The following USH2A variants were observed in gnomAD, a reference collection of about 807,000 sequenced individuals.
USH2A encodes usherin.
A neutral mutation model predicts 538.9 loss-of-function variants in USH2A; 443 were observed. The observed-to-expected ratio is 0.82, with a 90% CI of 0.76 to 0.89. The LOEUF (loss-of-function observed/expected upper bound fraction) is 0.89, where lower values mean the gene tolerates loss of function less well. USH2A is among the 40% of genes least tolerant of loss of function. The probability of loss-of-function intolerance (pLI) is 0.00; values close to 1 mark genes in which losing one functional copy is unlikely to be tolerated. For missense variants in USH2A, 6,633 were observed against 6,324.8 expected (o/e 1.05, Z -1.65); for synonymous variants, 2,413 against 2,273.5 (o/e 1.06, Z -1.75).
chr1:216,307,005 T>C (rs1253093940), intron 9 of USH2A, among the ~76,000 whole-genome samples: 1 of 152,198 alleles, frequency 6.6e-6, no homozygotes, highest in African/African-American at 2.4e-5. Flanking sequence ...TTTGTGTTGG[T>C]TGGCCTTCAG....
chr1:215,825,539 T>A (rs1663127990), intron 47 of USH2A, among the ~76,000 whole-genome samples: 1 of 152,150 alleles, frequency 6.6e-6, no homozygotes, highest in Non-Finnish European at 1.5e-5. Flanking sequence ...TTTCCCCAAT[T>A]TTTTCAAAAC....
intron 51 of USH2A, among the ~76,000 whole-genome samples, chr1:215,787,117 G>A (rs979824336): frequency 1.3e-5 from 2 of 152,140 alleles, no homozygotes; most frequent in African/African-American, 4.8e-5. Context: ...GTAACCTTGA[G>A]CAAGTCACTT....
intron 34 of USH2A, among the ~76,000 whole-genome samples, chr1:215,994,768 A>C (rs1321509992): frequency 6.6e-6 from 1 of 152,194 alleles, no homozygotes; most frequent in Admixed American, 6.5e-5. Flanking sequence ...AGGACAGGTC[A>C]CTGTGAGCTC....
At position 215,622,973 on chromosome 1, in the gene USH2A, A is replaced by G. The variant is rs557936994; in HGVS notation, c.*2808T>C. 6.4e-4 allele frequency: 97 copies of G among 151,756 alleles called. No individual in the cohort carries two copies. The highest frequency in any genetic ancestry group is 2.4e-3 in the African/African-American group (97 of 41,182). 9.4% of individuals were successfully genotyped at this position (151,756 alleles called of 1,614,324 possible). On this transcript the variant is annotated 3_prime_UTR_variant, in exon 72 of 72. Transcript: ENST00000307340. ...TTTGTGCATTGGAAACCAACTATTC[A>G]TTTGTGACATAATTAAAAGTTCCTT...
At chr1:215,754,475 T>C (rs1660724821) in intron 58 of USH2A, among the ~76,000 whole-genome samples, 1 of 152,020 alleles carries the variant, frequency 6.6e-6, no homozygotes, top group South Asian at 2.1e-4. Context: ...CCCAGCAGCT[T>C]ACCTGTCTAA....
chr1:216,245,262 G>A (rs1190166260), intron 13 of USH2A, among the ~76,000 whole-genome samples: 5 of 152,052 alleles, frequency 3.3e-5, no homozygotes, highest in Non-Finnish European at 7.4e-5. Flanking sequence ...CATTTTATAA[G>A]TACGTGACAC....
Position 215,809,160 on chromosome 1 carries a change from G to A in USH2A, c.9739+4576C>T, listed in dbSNP as rs141918392. 5.3e-3 allele frequency among the ~76,000 whole-genome samples: 811 copies of A among 152,144 alleles called. 6 individuals carry two copies. The highest frequency in any genetic ancestry group is 0.018 in the African/African-American group (749 of 41,522). On this transcript the variant is annotated intron_variant, in intron 49 of 71. Coordinates refer to ENST00000307340, the MANE Select transcript of USH2A (RefSeq NM_206933.4). ...CCCCTGGGTAAAATAATTCTATTTC[G>A]TCTGAAATGTAGTTGCCATATTTTT...
intron 3 of USH2A, among the ~76,000 whole-genome samples, chr1:216,415,539 A>G (rs2039563901): frequency 1.8e-5 from 2 of 113,972 alleles, no homozygotes; most frequent in Non-Finnish European, 3.3e-5. Flanking sequence ...TTTTTCAGAC[A>G]GGATCTTGCT....
At chr1:216,359,565 A>G in intron 4 of USH2A, among the ~76,000 whole-genome samples, 1 of 151,744 alleles carries the variant, frequency 6.6e-6, no homozygotes, top group East Asian at 1.9e-4. Flanking sequence ...TTAAAACTAG[A>G]CATTGGTCTA....
intron 14 of USH2A, among the ~76,000 whole-genome samples, chr1:216,220,056 G>T (rs2035425947): frequency 6.6e-6 from 1 of 152,090 alleles, no homozygotes; most frequent in South Asian, 2.1e-4. Flanking sequence ...GAGAGAAATG[G>T]TTATCCTAAT....
At chr1:215,883,019 TA>T (rs1664956474) in intron 41 of USH2A, among the ~76,000 whole-genome samples, 1 of 152,212 alleles carries the variant, frequency 6.6e-6, no homozygotes, top group Non-Finnish European at 1.5e-5. Flanking sequence ...CACTTTATCA[TA>T]AACAATGAAA....
intron 21 of USH2A, among the ~76,000 whole-genome samples, chr1:216,156,426 T>C (rs957550793): frequency 3.6e-4 from 54 of 151,938 alleles, no homozygotes; most frequent in African/African-American, 1.2e-3. Context: ...TTTTGGACTT[T>C]GCAGGCTTGA....
chr1:216,143,295 T>C (rs1348224116), intron 21 of USH2A, among the ~76,000 whole-genome samples: 2 of 152,194 alleles, frequency 1.3e-5, no homozygotes, highest in Admixed American at 6.5e-5. Flanking sequence ...CATCATACTA[T>C]TGACTTTTTC....
chr1:216,191,218 C>A (rs1429842396), intron 19 of USH2A, among the ~76,000 whole-genome samples: 1 of 151,864 alleles, frequency 6.6e-6, no homozygotes, highest in Non-Finnish European at 1.5e-5. Context: ...ACTATGAGTA[C>A]AAAACTAATT....
At chr1:216,215,216 G>T (rs1221578032) in intron 15 of USH2A, among the ~76,000 whole-genome samples, 1 of 152,098 alleles carries the variant, frequency 6.6e-6, no homozygotes, top group Non-Finnish European at 1.5e-5. Flanking sequence ...AAGATATAAT[G>T]AGGGTTATAA....
chr1:216,328,441 G>A (rs1160705433), intron 4 of USH2A, among the ~76,000 whole-genome samples: 5 of 151,954 alleles, frequency 3.3e-5, no homozygotes, highest in South Asian at 2.1e-4. Context: ...AAAAACTACC[G>A]ACTCCAAGTT....
At chr1:215,946,969 A>G (rs78283404) in intron 37 of USH2A, among the ~76,000 whole-genome samples, 4,876 of 152,190 alleles carry the variant, frequency 0.032, 121 homozygotes, top group South Asian at 0.083. Context: ...GTATTATCTC[A>G]TTAACTTTTA....
intron 58 of USH2A, among the ~76,000 whole-genome samples, chr1:215,755,896 T>G (rs184221158): frequency 5.5e-4 from 84 of 152,184 alleles, no homozygotes; most frequent in African/African-American, 2.0e-3. Context: ...GATATTGAAT[T>G]CAAAGAAAAA....
At chr1:215,841,578 A>G (rs1241790931) in intron 46 of USH2A, among the ~76,000 whole-genome samples, 1 of 152,204 alleles carries the variant, frequency 6.6e-6, no homozygotes, top group Non-Finnish European at 1.5e-5. Context: ...GTAAAACCCA[A>G]AACTATAAAA....
Sources: allele counts gnomAD v4.1 joint callset (sites outside exome capture counted in the v4.1 genomes callset), GRCh38; gene constraint gnomAD v4.1.1; transcripts MANE v1.5; gene names NCBI Gene and HGNC (gene_info 2026-07-23, HGNC 2026-07-21).